Variants in DACH1 observed in about 807,000 individuals in gnomAD.
The protein encoded by DACH1 is dachshund family transcription factor 1.
A neutral mutation model predicts 54.2 loss-of-function variants in DACH1; 12 were observed. That is an observed-to-expected ratio of 0.22 (90% CI 0.14 to 0.36). The LOEUF (loss-of-function observed/expected upper bound fraction) is 0.36. DACH1 is among the 10% of genes least tolerant of loss of function. DACH1 has a pLI of 1.00. For missense variants in DACH1, 805 were observed against 929.8 expected, an observed-to-expected ratio of 0.87 and a Z score of 1.75; for synonymous variants, 386 against 366.2, an observed-to-expected ratio of 1.05 and a Z score of -0.62.
intron 2 of DACH1, chr13:71,675,143 G>A (rs886099126): frequency 7.7e-5 from 121 of 1,578,024 alleles, no homozygotes; most frequent in Middle Eastern, 3.4e-4. Flanking sequence ...AAAGCCGCTC[G>A]CAAGAGTGCG....
chr13:71,758,305 C>T (rs555837574), intron 1 of DACH1, among the ~76,000 whole-genome samples: 4 of 152,176 alleles, frequency 2.6e-5, no homozygotes, highest in African/African-American at 9.6e-5. Flanking sequence ...AAAAGACTGA[C>T]AAAATTAACA....
rs1229826228 is a variant in DACH1, at chr13:71,779,189, G to GTA, written c.848+86731_848+86732dup. ...TACGTATATATATACACATATATAC[G>GTA]TATATACGTATATATGTGTATATAT... On this transcript the variant is annotated intron_variant, in intron 1 of 10. Transcript: ENST00000613252. Among the ~76,000 whole-genome samples the GTA allele has an allele frequency of 2.0e-3, 233 of 114,484 alleles. 2 individuals are homozygous for GTA. The highest frequency in any genetic ancestry group is 8.9e-3 in the African/African-American group (224 of 25,196). The allele number at this position is 114,484 out of a possible 152,430, so 75.1% of individuals were successfully genotyped here. A position where few individuals can be genotyped will look rare whatever the true frequency, so the allele number is the denominator to read the frequency against.
chr13:71,709,055 A>G lies in DACH1; in HGVS notation c.849-27145T>C, dbSNP rs556573380. ...TTTTTAGTAGAGACGGGGTTTCACC[A>G]TGTTAGCCAGGATGGTCTCGATCTC... On this transcript the variant is annotated intron_variant, in intron 1 of 10. Coordinates refer to ENST00000613252, the MANE Select transcript of DACH1 (RefSeq NM_080759.6). 6.6e-5 allele frequency among the ~76,000 whole-genome samples: 10 copies of G among 151,646 alleles called. No individual in the cohort carries two copies. The East Asian group carries it at 1.8e-3, about 27-fold the overall frequency.
At chr13:71,466,036 T>C (rs969477630) in intron 10 of DACH1, among the ~76,000 whole-genome samples, 1 of 152,166 alleles carries the variant, frequency 6.6e-6, no homozygotes, top group African/African-American at 2.4e-5. Context: ...GGTAATCTTA[T>C]TTCATTCTTC....
chr13:71,843,523 T>G (rs1483047880), intron 1 of DACH1, among the ~76,000 whole-genome samples: 1 of 152,100 alleles, frequency 6.6e-6, no homozygotes, highest in African/African-American at 2.4e-5. Context: ...GCTCAACCTC[T>G]CAAAATGCTG....
At position 71,439,781 on chromosome 13, in the gene DACH1, A is replaced by G. The variant is rs1054388273; in HGVS notation, c.*874T>C. 2 of 152,260 alleles carry G rather than the reference A, an allele frequency of 1.3e-5. No individual in the cohort carries two copies. The highest frequency in any genetic ancestry group is 2.9e-5 in the Non-Finnish European group (2 of 67,880). 9.4% of individuals were successfully genotyped at this position (152,260 alleles called of 1,614,324 possible). A position where few individuals can be genotyped will look rare whatever the true frequency, so the allele number is the denominator to read the frequency against. ...ACAAAACATATTTTCTAAAATTTTC[A>G]TTTTCCTAAACTCTAGTATACTACT... On this transcript the variant is annotated 3_prime_UTR_variant, in exon 11 of 11. Coordinates refer to ENST00000613252, the MANE Select transcript of DACH1 (RefSeq NM_080759.6).
intron 2 of DACH1, among the ~76,000 whole-genome samples, chr13:71,659,879 T>C (rs1879379552): frequency 6.6e-6 from 1 of 152,138 alleles, no homozygotes; most frequent in South Asian, 2.1e-4. Context: ...CAGCATTAGT[T>C]TTTAGATGTT....
chr13:71,580,933 C>A (rs1872796233), intron 3 of DACH1, among the ~76,000 whole-genome samples: 1 of 151,838 alleles, frequency 6.6e-6, no homozygotes, highest in Non-Finnish European at 1.5e-5. Context: ...AAATCTTACA[C>A]TGTCACTCCC....
At position 71,472,454 on chromosome 13, in the gene DACH1, C is replaced by G. The variant is rs545267491; in HGVS notation, c.2083+2687G>C. Reference sequence around the variant, plus strand: ...CTCAAGCAGTAAGTATTTAAGTGCCCAACTTCTAGGTGACTAACTCTTGGG... The same window carrying G: ...CTCAAGCAGTAAGTATTTAAGTGCCGAACTTCTAGGTGACTAACTCTTGGG... On this transcript the variant is annotated intron_variant, in intron 10 of 10. Transcript: ENST00000613252. Among the ~76,000 whole-genome samples the G allele has an allele frequency of 2.6e-5, 4 of 152,216 alleles. No individual in the cohort carries two copies. In the East Asian group the frequency reaches 7.7e-4, roughly 29 times the overall value.
At chr13:71,624,012 A>G (rs1418604495) in intron 3 of DACH1, among the ~76,000 whole-genome samples, 1 of 151,976 alleles carries the variant, frequency 6.6e-6, no homozygotes, top group Admixed American at 6.6e-5. Flanking sequence ...TTTAATAACA[A>G]CATTCCTAAT....
intron 2 of DACH1, among the ~76,000 whole-genome samples, chr13:71,669,764 A>T (rs182616720): frequency 6.6e-6 from 1 of 152,178 alleles, no homozygotes; most frequent in Non-Finnish European, 1.5e-5. Flanking sequence ...GAATATAATC[A>T]ATAAACTGGG....
At chr13:71,754,814 G>T (rs1885075306) in intron 1 of DACH1, among the ~76,000 whole-genome samples, 1 of 151,596 alleles carries the variant, frequency 6.6e-6, no homozygotes, top group African/African-American at 2.4e-5. Flanking sequence ...GTGATTCACT[G>T]CATTGCAGGA....
intron 6 of DACH1, among the ~76,000 whole-genome samples, chr13:71,532,328 C>T (rs1039560838): frequency 4.0e-5 from 6 of 151,706 alleles, no homozygotes; most frequent in African/African-American, 1.4e-4. Flanking sequence ...TTCAGAAATA[C>T]TAGGGAGAGG....
intron 1 of DACH1, among the ~76,000 whole-genome samples, chr13:71,732,216 CTA>C (rs968090545): frequency 3.3e-5 from 5 of 152,086 alleles, no homozygotes; most frequent in Non-Finnish European, 7.4e-5. Context: ...TCTGTCCAAT[CTA>C]TCTCTTCCTT....
At chr13:71,588,978 C>T (rs1430825831) in intron 3 of DACH1, among the ~76,000 whole-genome samples, 1 of 151,872 alleles carries the variant, frequency 6.6e-6, no homozygotes, top group East Asian at 1.9e-4. Flanking sequence ...ACATAAAAGA[C>T]ATATTACCAT....
chr13:71,848,947 C>G (rs1000830918), intron 1 of DACH1, among the ~76,000 whole-genome samples: 1 of 152,128 alleles, frequency 6.6e-6, no homozygotes, highest in African/African-American at 2.4e-5. Context: ...TCCCACTATC[C>G]GACATCACTC....
intron 6 of DACH1, among the ~76,000 whole-genome samples, chr13:71,547,620 G>A (rs1883543099): frequency 2.0e-5 from 3 of 152,044 alleles, no homozygotes; most frequent in South Asian, 2.1e-4. Flanking sequence ...AAGATTAAGT[G>A]GTAGTAAGCA....
intron 2 of DACH1, among the ~76,000 whole-genome samples, chr13:71,679,900 G>A (rs970517030): frequency 4.3e-5 from 6 of 138,824 alleles, no homozygotes; most frequent in East Asian, 2.2e-4. Flanking sequence ...CCAAGATCGC[G>A]CCACTGCACT....
intron 1 of DACH1, among the ~76,000 whole-genome samples, chr13:71,735,177 T>TACGGG (rs1883972947): frequency 1.3e-5 from 2 of 151,140 alleles, no homozygotes; most frequent in Non-Finnish European, 1.5e-5. Flanking sequence ...GATACTCGTA[T>TACGGG]ATGGGATATA....
Sources: gnomAD v4.1 joint callset for allele counts (sites outside exome capture counted in the v4.1 genomes callset) on GRCh38, gnomAD v4.1.1 for gene constraint, MANE v1.5 for transcripts, NCBI Gene and HGNC (gene_info 2026-07-23, HGNC 2026-07-21) for gene names.